STAP1: variants seen among roughly 807,000 people sequenced by gnomAD.
STAP1 encodes signal transducing adaptor family member 1, also known as signal-transducing adaptor protein 1.
Under a neutral mutation model 37.8 loss-of-function variants are expected in STAP1, and 30 were observed. The ratio of observed to expected loss-of-function variants is 0.79; its 90% CI spans 0.59 to 1.08. The LOEUF (loss-of-function observed/expected upper bound fraction) is 1.08. STAP1 is among the 50% of genes least tolerant of loss of function. STAP1 has a pLI of 0.00. For synonymous variants in STAP1, 130 were observed against 116.0 expected (o/e 1.12, Z -0.78); for missense variants, 357 against 349.4 (o/e 1.02, Z -0.17).
chr4:67,562,958 TC>T (rs1727384556), intron 1 of STAP1, among the ~76,000 whole-genome samples: 1 of 152,162 alleles, frequency 6.6e-6, no homozygotes, highest in African/African-American at 2.4e-5. Flanking sequence ...AATTTATGCA[TC>T]CCATTTTGGA....
chr4:67,586,896 T>G (rs1226417849), intron 6 of STAP1, among the ~76,000 whole-genome samples: 2 of 152,222 alleles, frequency 1.3e-5, no homozygotes, highest in Admixed American at 6.5e-5. Context: ...AACTAAAGAA[T>G]TCTAACACTA....
intron 1 of STAP1, among the ~76,000 whole-genome samples, chr4:67,559,747 T>G (rs1239692834): frequency 6.6e-6 from 1 of 152,056 alleles, no homozygotes; most frequent in Non-Finnish European, 1.5e-5. Flanking sequence ...CTAGAAAAAT[T>G]TTAAGGTTTT....
At chr4:67,601,952 C>T (rs1577772327) in intron 8 of STAP1, among the ~76,000 whole-genome samples, 1 of 151,864 alleles carries the variant, frequency 6.6e-6, no homozygotes, top group East Asian at 1.9e-4. Flanking sequence ...TCTCTGTCTA[C>T]CTTCTCTTTA....
chr4:67,605,033 G>A (rs1268910274), intron 8 of STAP1, among the ~76,000 whole-genome samples: 2 of 152,146 alleles, frequency 1.3e-5, no homozygotes, highest in African/African-American at 4.8e-5. Flanking sequence ...CACAGAACTA[G>A]GAAATAACTC....
intron 1 of STAP1, among the ~76,000 whole-genome samples, chr4:67,565,927 C>A (rs1727456148): frequency 6.8e-6 from 1 of 147,224 alleles, no homozygotes; most frequent in African/African-American, 2.5e-5. Flanking sequence ...CCCCCTCAAC[C>A]CAACTGCTTT....
chr4:67,561,220 C>A (rs985488651), intron 1 of STAP1, among the ~76,000 whole-genome samples: 1 of 152,130 alleles, frequency 6.6e-6, no homozygotes, highest in African/African-American at 2.4e-5. Context: ...TGAGAAAAAT[C>A]TAAGCAAAAT....
intron 8 of STAP1, among the ~76,000 whole-genome samples, chr4:67,601,574 T>C (rs2632457): frequency 0.87 from 131,695 of 151,754 alleles, 58,341 homozygotes; most frequent in East Asian, 0.99. Context: ...TTTTGTTTGT[T>C]TAGGAAAGTA....
chr4:67,581,252 T>C (rs1727848145), intron 4 of STAP1, 53 bp from the exon 5 acceptor site: 1 of 1,566,316 alleles, frequency 6.4e-7, no homozygotes, highest in East Asian at 2.2e-5. Flanking sequence ...TTTACTAAAG[T>C]TATAAGTTAT....
At chr4:67,575,324 G>A in intron 2 of STAP1, 61 bp from the exon 3 acceptor site, 2 of 1,154,210 alleles carry the variant, frequency 1.7e-6, no homozygotes, top group South Asian at 3.0e-5. Context: ...TTTGCTTCCT[G>A]CTAGAACTAA....
intron 1 of STAP1, among the ~76,000 whole-genome samples, chr4:67,561,346 G>A (rs1205797322): frequency 2.6e-5 from 4 of 152,158 alleles, no homozygotes; most frequent in Non-Finnish European, 4.4e-5. Flanking sequence ...GAAGGTGAGA[G>A]GCTCTGCAGA....
chr4:67,606,147 G>T (rs539125800), intron 8 of STAP1, 149 bp from the exon 9 acceptor site: 68 of 571,896 alleles, frequency 1.2e-4, no homozygotes, highest in Non-Finnish European at 1.9e-4. Flanking sequence ...AAAAGCATCT[G>T]AATATTCAGT....
At chr4:67,571,628 A>C (rs917712311) in intron 2 of STAP1, among the ~76,000 whole-genome samples, 10 of 152,236 alleles carry the variant, frequency 6.6e-5, no homozygotes, top group African/African-American at 2.2e-4. Flanking sequence ...CTTAAACATG[A>C]GAATAACAAT....
intron 2 of STAP1, among the ~76,000 whole-genome samples, chr4:67,574,993 A>G (rs1727687041): frequency 6.6e-6 from 1 of 152,238 alleles, no homozygotes. Flanking sequence ...TTCACCATCC[A>G]GAAATGAAGA....
chr4:67,590,765 T>G, intron 6 of STAP1, 119 bp from the exon 7 acceptor site: 1 of 373,364 alleles, frequency 2.7e-6, no homozygotes, highest in Non-Finnish European at 4.5e-6. Flanking sequence ...TTTTTTTTTT[T>G]GCCAAACTAT....
intron 8 of STAP1, among the ~76,000 whole-genome samples, chr4:67,604,965 T>C (rs1467933927): frequency 1.3e-5 from 2 of 152,204 alleles, no homozygotes; most frequent in Admixed American, 6.5e-5. Flanking sequence ...ATCTGTTTTG[T>C]ATCTGGTTCT....
chr4:67,566,120 A>ATAT (rs1249185976), intron 1 of STAP1, among the ~76,000 whole-genome samples: 21 of 151,444 alleles, frequency 1.4e-4, no homozygotes, highest in Non-Finnish European at 2.5e-4. Flanking sequence ...GCTAATTTTC[A>ATAT]TATTTTTAGT....
intron 1 of STAP1, among the ~76,000 whole-genome samples, chr4:67,565,566 T>TTTTTC (rs1553900538): frequency 2.0e-5 from 3 of 152,228 alleles, no homozygotes; most frequent in Non-Finnish European, 4.4e-5. Context: ...AATGCTCTTC[T>TTTTTC]TTTTCTTTTC....
intron 1 of STAP1, among the ~76,000 whole-genome samples, chr4:67,566,680 C>T (rs1024213076): frequency 6.6e-5 from 10 of 151,998 alleles, no homozygotes; most frequent in African/African-American, 2.2e-4. Flanking sequence ...AGAATAGATT[C>T]GAAAGTAGGT....
chr4:67,606,474 T>C lies in STAP1; in HGVS notation c.*117T>C, dbSNP rs2109882338. On this transcript the variant is annotated 3_prime_UTR_variant, in exon 9 of 9. Transcript: ENST00000265404. ...GATACTGATTACCAAGTCATTCACCTGAACACCAGAATTAGAATTAAACAT... is the reference window on the plus strand; with the variant it reads ...GATACTGATTACCAAGTCATTCACCCGAACACCAGAATTAGAATTAAACAT... 1 of 799,368 alleles carries C rather than the reference T, an allele frequency of 1.3e-6. No homozygotes were observed. The highest frequency in any genetic ancestry group is 2.0e-6 in the Non-Finnish European group (1 of 512,360). The allele number at this position is 799,368 out of a possible 1,614,324, so 49.5% of individuals were successfully genotyped here. A position where few individuals can be genotyped will look rare whatever the true frequency, so the allele number is the denominator to read the frequency against.
Sources: gnomAD v4.1 joint callset for allele counts (sites outside exome capture counted in the v4.1 genomes callset) on GRCh38, gnomAD v4.1.1 for gene constraint, MANE v1.5 for transcripts, NCBI Gene and HGNC (gene_info 2026-07-23, HGNC 2026-07-21) for gene names.